The following THSD7A variants were observed in gnomAD, a reference collection of about 807,000 sequenced individuals.
THSD7A encodes the protein thrombospondin type-1 domain-containing protein 7A.
A neutral mutation model predicts 231.3 loss-of-function variants in THSD7A; 96 were observed. The observed-to-expected ratio is 0.41, with a 90% CI of 0.35 to 0.49. The LOEUF (loss-of-function observed/expected upper bound fraction) is 0.49, where lower values mean the gene tolerates loss of function less well. THSD7A is among the 20% of genes least tolerant of loss of function. THSD7A has a pLI of 0.05. For missense variants in THSD7A, 2,290 were observed against 2,070.2 expected, an observed-to-expected ratio of 1.11 and a Z score of -2.06; for synonymous variants, 940 against 743.3, an observed-to-expected ratio of 1.26 and a Z score of -4.30.
chr7:11,649,057 T>C (rs528280434), intron 1 of THSD7A, among the ~76,000 whole-genome samples: 76 of 152,162 alleles, frequency 5.0e-4, no homozygotes, highest in African/African-American at 1.8e-3. Flanking sequence ...ACCACTGAGA[T>C]ATTGCCAAAA....
intron 23 of THSD7A, among the ~76,000 whole-genome samples, chr7:11,382,849 T>G (rs1344107399): frequency 1.3e-5 from 2 of 151,734 alleles, no homozygotes; most frequent in African/African-American, 4.8e-5. Flanking sequence ...AACCTAGGTT[T>G]TTAATTTAAT....
chr7:11,496,975 C>T, intron 6 of THSD7A, among the ~76,000 whole-genome samples: 1 of 152,026 alleles, frequency 6.6e-6, no homozygotes. Context: ...ATGTATTAGT[C>T]CATTGTCACA....
intron 1 of THSD7A, among the ~76,000 whole-genome samples, chr7:11,653,541 G>A (rs1390913219): frequency 6.7e-6 from 1 of 149,558 alleles, no homozygotes; most frequent in Non-Finnish European, 1.5e-5. Context: ...AGGCTGTAGT[G>A]CAGTGAGTAT....
At chr7:11,796,718 A>C (rs1212347060) in intron 1 of THSD7A, among the ~76,000 whole-genome samples, 2 of 152,076 alleles carry the variant, frequency 1.3e-5, no homozygotes. Flanking sequence ...CAAAATAACA[A>C]CTATTAATTT....
chr7:11,826,715 T>C (rs1583322269), intron 1 of THSD7A, among the ~76,000 whole-genome samples: 1 of 150,390 alleles, frequency 6.6e-6, no homozygotes, highest in African/African-American at 2.5e-5. Flanking sequence ...AGGAGGCTGA[T>C]GCAGGAGAAT....
chr7:11,822,429 AT>A (rs1257817100), intron 1 of THSD7A, among the ~76,000 whole-genome samples: 1 of 151,900 alleles, frequency 6.6e-6, no homozygotes. Context: ...TACACCACAC[AT>A]TTTCATTGTC....
At chr7:11,650,771 A>T (rs1782468608) in intron 1 of THSD7A, among the ~76,000 whole-genome samples, 1 of 152,058 alleles carries the variant, frequency 6.6e-6, no homozygotes, top group South Asian at 2.1e-4. Flanking sequence ...ATAGCACAGA[A>T]GTAGCATCAC....
At chr7:11,591,806 C>A (rs1332088801) in intron 3 of THSD7A, among the ~76,000 whole-genome samples, 1 of 152,004 alleles carries the variant, frequency 6.6e-6, no homozygotes, top group African/African-American at 2.4e-5. Context: ...GAAGCAAAAC[C>A]AAATAGATCA....
Position 11,593,358 on chromosome 7 carries a change from T to C in THSD7A, c.1167A>G (p.Thr389=). ...MVSPAGTRVR[T]RTIRQFPIGS... is the part of the protein sequence containing the mutation. ...CAATGGGAAACTGCCTGATGGTTCG[T>C]GTCCTTACACGAGTGCCTGCAGGGG... Residue 389 remains threonine, a synonymous_variant, in exon 3 of 28, where the codon ACA becomes ACG. Transcript: ENST00000423059. 6.2e-7 allele frequency: 1 copy of C among 1,614,042 alleles called. No individual in the cohort carries two copies. The highest frequency in any genetic ancestry group is 8.5e-7 in the Non-Finnish European group (1 of 1,179,900).
At chr7:11,734,173 T>G (rs11984064) in intron 1 of THSD7A, among the ~76,000 whole-genome samples, 2 of 151,750 alleles carry the variant, frequency 1.3e-5, no homozygotes, top group African/African-American at 4.8e-5. Flanking sequence ...TTCTTTCTAG[T>G]GTTATTTCTG....
At chr7:11,426,073 TTA>T (rs2115418897) in intron 15 of THSD7A, among the ~76,000 whole-genome samples, 1 of 120,894 alleles carries the variant, frequency 8.3e-6, no homozygotes, top group African/African-American at 3.4e-5. Context: ...AAAAAAAACA[TTA>T]AAAAAAAAAT....
intron 1 of THSD7A, among the ~76,000 whole-genome samples, chr7:11,686,581 C>A (rs1327079008): frequency 6.6e-6 from 1 of 151,744 alleles, no homozygotes. Flanking sequence ...ATGAAATCAA[C>A]CTAGGTGTCC....
At chr7:11,648,786 T>G (rs1393900152) in intron 1 of THSD7A, among the ~76,000 whole-genome samples, 2 of 151,950 alleles carry the variant, frequency 1.3e-5, no homozygotes, top group East Asian at 1.9e-4. Context: ...AGCCAGAGAC[T>G]CCTCATAGCC....
chr7:11,546,934 T>C (rs190734617), intron 4 of THSD7A, among the ~76,000 whole-genome samples: 1 of 152,308 alleles, frequency 6.6e-6, no homozygotes, highest in African/African-American at 2.4e-5. Flanking sequence ...AACAGCAGAA[T>C]AGACCAAGCT....
At chr7:11,606,492 T>G (rs1310172360) in intron 2 of THSD7A, among the ~76,000 whole-genome samples, 2 of 152,144 alleles carry the variant, frequency 1.3e-5, no homozygotes, top group Non-Finnish European at 2.9e-5. Context: ...GTATGACTTT[T>G]CATAAATATA....
chr7:11,603,777 A>G (rs1271387922), intron 2 of THSD7A, among the ~76,000 whole-genome samples: 2 of 150,820 alleles, frequency 1.3e-5, no homozygotes, highest in Non-Finnish European at 3.0e-5. Context: ...CTATCGCAAG[A>G]ACAAAAAACC....
At position 11,634,765 on chromosome 7, in the gene THSD7A, GGA is replaced by G. The variant is rs942226863; in HGVS notation, c.1022+1363_1022+1364del. On this transcript the variant is annotated intron_variant, in intron 2 of 27. Transcript: ENST00000423059. The surrounding 1 kb of genome is among the most constrained non-coding windows in gnomAD (Gnocchi z 4.1). The stretch of plus-strand genomic sequence containing the variant: ...ATGCAATCGTGTCAATACAAAGAGG[GGA>G]GAGAGTAGCAAAAATTCCAAAAAAC... 4.3e-4 allele frequency among the ~76,000 whole-genome samples: 65 copies of G among 152,134 alleles called. No individual in the cohort carries two copies. The highest frequency in any genetic ancestry group is 1.5e-3 in the African/African-American group (64 of 41,510).
intron 2 of THSD7A, among the ~76,000 whole-genome samples, chr7:11,603,461 T>A (rs1584064554): frequency 1.3e-5 from 2 of 152,134 alleles, no homozygotes; most frequent in African/African-American, 4.8e-5. Flanking sequence ...ATTGTGGAAG[T>A]CAGTGTGGCG....
In THSD7A at chr7:11,413,186, C is replaced by T. The variant is rs536875043; in HGVS notation, c.3538-386G>A. On this transcript the variant is annotated intron_variant, in intron 17 of 27. Coordinates refer to ENST00000423059, the MANE Select transcript of THSD7A (RefSeq NM_015204.3). ...GCCTTAAAAGACATTTTAAGAATAA[C>T]TTTAAATGACTAGGTGTTAGTGACT... is the stretch of plus-strand genomic sequence containing the variant. Among the ~76,000 whole-genome samples, 22 of 151,986 alleles carry T rather than the reference C, an allele frequency of 1.4e-4. No homozygotes were observed. The South Asian group carries it at 4.4e-3, about 30-fold the overall frequency.
Sources: allele counts gnomAD v4.1 joint callset (sites outside exome capture counted in the v4.1 genomes callset), GRCh38; gene constraint gnomAD v4.1.1; non-coding constraint Gnocchi (gnomAD v3.1); transcripts MANE v1.5; gene names NCBI Gene and HGNC (gene_info 2026-07-23, HGNC 2026-07-21).